RGL1: variants seen among roughly 807,000 people sequenced by gnomAD.
RGL1 encodes the protein ral guanine nucleotide dissociation stimulator like 1.
RGL1 carries 24 observed loss-of-function variants against 95.2 expected under a neutral mutation model. The ratio of observed to expected loss-of-function variants is 0.25; its 90% CI spans 0.18 to 0.35. The LOEUF (loss-of-function observed/expected upper bound fraction) is 0.35. RGL1 is among the 10% of genes least tolerant of loss of function. The pLI is 1.00. For synonymous variants in RGL1, 329 were observed against 344.9 expected (o/e 0.95, Z 0.51); for missense variants, 715 against 936.3 (o/e 0.76, Z 3.08).
In RGL1 at chr1:183,884,814, T is replaced by C. The variant is rs1272489463; in HGVS notation, c.827T>C (p.Ile276Thr). ...KKENKHLAPT[I>T]RATISQFNTL... is the part of the protein sequence containing the mutation. ...GAAAACAAACATTTGGCTCCTACGA[T>C]CCGTGCCACCATCTCTCAGTTTAAT... Residue 276 changes from isoleucine to threonine, a missense_variant, in exon 7 of 18, where the codon ATC becomes ACC. By Grantham distance (89) the Ile-to-Thr change is moderately conservative (BLOSUM62 -1). Transcript: ENST00000360851. The C allele has an allele frequency of 1.9e-6, 3 of 1,614,156 alleles. No individual in the cohort carries two copies. The highest frequency in any genetic ancestry group is 2.5e-6 in the Non-Finnish European group (3 of 1,179,986).
At chr1:183,813,501 T>C (rs963308057) in intron 2 of RGL1, among the ~76,000 whole-genome samples, 14 of 152,210 alleles carry the variant, frequency 9.2e-5, no homozygotes, top group African/African-American at 3.4e-4. Context: ...AGTTGGTGGT[T>C]TCTTTTTCTT....
chr1:183,823,701 G>A (rs1662653672), intron 2 of RGL1, among the ~76,000 whole-genome samples: 1 of 152,218 alleles, frequency 6.6e-6, no homozygotes, highest in African/African-American at 2.4e-5. Context: ...TGGTGGGATA[G>A]TTATTTGAAG....
At chr1:183,755,315 A>G (rs990786175) in intron 2 of RGL1, among the ~76,000 whole-genome samples, 14 of 152,184 alleles carry the variant, frequency 9.2e-5, no homozygotes, top group African/African-American at 3.4e-4. Context: ...TTATGTAGTC[A>G]CAAATCAGTT....
intron 1 of RGL1, among the ~76,000 whole-genome samples, chr1:183,668,867 C>T (rs1469398580): frequency 6.6e-6 from 1 of 150,746 alleles, no homozygotes; most frequent in Admixed American, 6.6e-5. Context: ...TGTCCCCCAG[C>T]TTTTGGATAT....
intron 2 of RGL1, among the ~76,000 whole-genome samples, chr1:183,781,693 T>C (rs1463745779): frequency 1.3e-5 from 2 of 152,236 alleles, no homozygotes; most frequent in Non-Finnish European, 2.9e-5. Context: ...AGTGTACATG[T>C]CATTCTATAC....
At chr1:183,892,028 G>T (rs1397501314) in intron 8 of RGL1, 49 bp from the exon 9 acceptor site, 1 of 1,465,466 alleles carries the variant, frequency 6.8e-7, no homozygotes, top group Non-Finnish European at 9.5e-7. Context: ...AAAGTGTCGG[G>T]TTATTCCTAA....
At chr1:183,673,367 T>TA (rs1331411518) in intron 1 of RGL1, among the ~76,000 whole-genome samples, 1 of 152,218 alleles carries the variant, frequency 6.6e-6, no homozygotes, top group Non-Finnish European at 1.5e-5. Context: ...ATCAAACATG[T>TA]AGGCTGAGAT....
chr1:183,852,916 C>T (rs1300780668), intron 3 of RGL1, among the ~76,000 whole-genome samples: 2 of 152,178 alleles, frequency 1.3e-5, no homozygotes, highest in African/African-American at 2.4e-5. Flanking sequence ...TAGTGACCTT[C>T]AGTGAGAGCC....
chr1:183,900,341 G>A (rs1667944450), intron 11 of RGL1, 105 bp downstream of exon 11: 3 of 830,704 alleles, frequency 3.6e-6, no homozygotes, highest in Non-Finnish European at 6.0e-6. Context: ...AAAAGTACAT[G>A]GCATTGTGCT....
chr1:183,809,374 C>G (rs1486519998), intron 2 of RGL1, among the ~76,000 whole-genome samples: 1 of 152,096 alleles, frequency 6.6e-6, no homozygotes, highest in Admixed American at 6.5e-5. Flanking sequence ...ATTCTGTGTT[C>G]AGTTGATCTT....
intron 1 of RGL1, among the ~76,000 whole-genome samples, chr1:183,687,857 T>C (rs1317702573): frequency 1.3e-5 from 2 of 152,200 alleles, no homozygotes; most frequent in African/African-American, 2.4e-5. Flanking sequence ...TGAAATACTA[T>C]ATATTTTAAA....
intron 2 of RGL1, among the ~76,000 whole-genome samples, chr1:183,756,506 A>G (rs547415138): frequency 6.6e-6 from 1 of 152,218 alleles, no homozygotes; most frequent in Admixed American, 6.5e-5. Flanking sequence ...TGTGCAGTCA[A>G]TGAAAGGTTT....
At chr1:183,709,140 G>C (rs989512343) in intron 1 of RGL1, among the ~76,000 whole-genome samples, 4 of 152,166 alleles carry the variant, frequency 2.6e-5, no homozygotes, top group African/African-American at 9.7e-5. Context: ...TCAGCCTTCA[G>C]GGGGTACGTG....
At chr1:183,705,827 G>T (rs768172340) in intron 1 of RGL1, among the ~76,000 whole-genome samples, 14 of 152,204 alleles carry the variant, frequency 9.2e-5, no homozygotes, top group Non-Finnish European at 1.5e-4. Flanking sequence ...TGTGTTAAAA[G>T]GGGAGTCTGT....
rs143642032 is a variant in RGL1, at chr1:183,739,597, A to G, written c.-32-2529A>G. On this transcript the variant is annotated intron_variant, in intron 1 of 18. Transcript: ENST00000304685. ...AGTGGAAGCTCAAGATATATTGTAC[A>G]TATGGTCATTTTTGTAAGTGCGGAG... Among the ~76,000 whole-genome samples, 35 of 152,316 alleles carry G rather than the reference A, an allele frequency of 2.3e-4. No homozygotes were observed. The East Asian group carries it at 6.0e-3, about 26-fold the overall frequency.
intron 1 of RGL1, among the ~76,000 whole-genome samples, chr1:183,676,486 T>C (rs1180346156): frequency 6.6e-6 from 1 of 151,948 alleles, no homozygotes; most frequent in Non-Finnish European, 1.5e-5. Context: ...GTCTCACATT[T>C]CCTTGCCACA....
intron 2 of RGL1, among the ~76,000 whole-genome samples, chr1:183,835,971 A>G (rs1158883673): frequency 1.3e-5 from 2 of 152,198 alleles, no homozygotes; most frequent in African/African-American, 4.8e-5. Context: ...ATTGAAAGAC[A>G]GGGCTGGTTT....
chr1:183,819,662 A>G (rs899035806), intron 2 of RGL1, among the ~76,000 whole-genome samples: 3 of 152,140 alleles, frequency 2.0e-5, no homozygotes, highest in South Asian at 2.1e-4. Flanking sequence ...ACCTTCCTGC[A>G]TGCTTCCTTG....
intron 2 of RGL1, among the ~76,000 whole-genome samples, chr1:183,762,397 C>A (rs1019365466): frequency 6.6e-6 from 1 of 152,128 alleles, no homozygotes; most frequent in African/African-American, 2.4e-5. Flanking sequence ...GGGAGAGAGA[C>A]AAGGGAACAG....
Sources: gnomAD v4.1 joint callset for allele counts (sites outside exome capture counted in the v4.1 genomes callset) on GRCh38, gnomAD v4.1.1 for gene constraint, MANE v1.5 for transcripts, NCBI Gene and HGNC (gene_info 2026-07-23, HGNC 2026-07-21) for gene names.